CNTN5: variants seen among roughly 807,000 people sequenced by gnomAD.
The protein encoded by CNTN5 is contactin-5.
In CNTN5, 77 loss-of-function variants were observed where a neutral mutation model predicts 129.1. The observed-to-expected ratio is 0.60, with a 90% CI of 0.50 to 0.72. CNTN5 has a LOEUF of 0.72. CNTN5 is among the 30% of genes least tolerant of loss of function. The pLI is 0.00. For missense variants in CNTN5, 1,478 were observed against 1,328.8 expected (o/e 1.11, Z -1.75); for synonymous variants, 509 against 465.6 (o/e 1.09, Z -1.20).
At chr11:100,350,012 T>C (rs542352817) in intron 23 of CNTN5, among the ~76,000 whole-genome samples, 1 of 151,956 alleles carries the variant, frequency 6.6e-6, no homozygotes, top group Admixed American at 6.6e-5. Context: ...GTATGTTTAA[T>C]TATAATACCA....
intron 2 of CNTN5, among the ~76,000 whole-genome samples, chr11:99,431,529 G>A (rs74766203): frequency 1.3e-5 from 2 of 152,160 alleles, no homozygotes; most frequent in Non-Finnish European, 2.9e-5. Flanking sequence ...ATTCCTTGGA[G>A]GGGGGAAACT....
intron 17 of CNTN5, among the ~76,000 whole-genome samples, chr11:100,261,367 A>G (rs768628020): frequency 6.6e-6 from 1 of 152,192 alleles, no homozygotes; most frequent in Non-Finnish European, 1.5e-5. Flanking sequence ...AAACTGCCAT[A>G]CTGCCCAAAG....
At chr11:100,320,725 A>AT (rs1206450231) in intron 21 of CNTN5, among the ~76,000 whole-genome samples, 1 of 151,886 alleles carries the variant, frequency 6.6e-6, no homozygotes. Flanking sequence ...GTTTGCATTG[A>AT]TTTTTTTACA....
chr11:100,190,607 A>G (rs570419025), intron 13 of CNTN5, among the ~76,000 whole-genome samples: 2 of 152,136 alleles, frequency 1.3e-5, no homozygotes, highest in Admixed American at 6.5e-5. Context: ...CCCAGGTATC[A>G]GGTTGCATTT....
chr11:99,097,445 A>C (rs1224201002), intron 1 of CNTN5, among the ~76,000 whole-genome samples: 1 of 151,976 alleles, frequency 6.6e-6, no homozygotes, highest in Non-Finnish European at 1.5e-5. Context: ...CAATGATTTA[A>C]TTTTGACCAA....
At chr11:99,614,580 G>A (rs888542888) in intron 3 of CNTN5, among the ~76,000 whole-genome samples, 21 of 152,128 alleles carry the variant, frequency 1.4e-4, no homozygotes, top group African/African-American at 3.9e-4. Context: ...AGTTAGAGCT[G>A]GGAGGTGGAA....
chr11:99,684,928 T>A (rs1953723374), intron 3 of CNTN5, among the ~76,000 whole-genome samples: 1 of 151,692 alleles, frequency 6.6e-6, no homozygotes, highest in Non-Finnish European at 1.5e-5. Context: ...CTTTTCTATG[T>A]AATTGATTTC....
intron 2 of CNTN5, among the ~76,000 whole-genome samples, chr11:99,366,819 T>C (rs1939473497): frequency 6.6e-6 from 1 of 152,160 alleles, no homozygotes; most frequent in Non-Finnish European, 1.5e-5. Context: ...ATTTTCTCTG[T>C]GTGCATTTTT....
At chr11:99,357,051 A>G (rs1194089313) in intron 2 of CNTN5, among the ~76,000 whole-genome samples, 1 of 152,182 alleles carries the variant, frequency 6.6e-6, no homozygotes, top group African/African-American at 2.4e-5. Flanking sequence ...CTTTAGTATA[A>G]TGTTATGCAA....
At chr11:99,250,653 T>C (rs1862050743) in intron 1 of CNTN5, among the ~76,000 whole-genome samples, 5 of 151,968 alleles carry the variant, frequency 3.3e-5, no homozygotes, top group Admixed American at 3.3e-4. Context: ...ATTTTTCTTG[T>C]AGTTGAAACA....
intron 16 of CNTN5, among the ~76,000 whole-genome samples, chr11:100,236,012 G>A (rs1225368906): frequency 6.6e-6 from 1 of 152,192 alleles, no homozygotes; most frequent in African/African-American, 2.4e-5. Flanking sequence ...CTAGTGGCCA[G>A]AGAGGAGCCC....
chr11:99,510,478 A>G (rs1436833939), intron 2 of CNTN5, among the ~76,000 whole-genome samples: 1 of 152,204 alleles, frequency 6.6e-6, no homozygotes. Flanking sequence ...CAGAAAACTA[A>G]TGGATGCAAC....
chr11:99,533,162 G>T (rs1483219332), intron 2 of CNTN5, among the ~76,000 whole-genome samples: 2 of 152,230 alleles, frequency 1.3e-5, no homozygotes, highest in East Asian at 3.9e-4. Context: ...GAAGGAGGTT[G>T]CAGTGAGCCA....
intron 1 of CNTN5, among the ~76,000 whole-genome samples, chr11:99,223,835 G>A (rs1358858492): frequency 6.6e-6 from 1 of 152,156 alleles, no homozygotes; most frequent in Non-Finnish European, 1.5e-5. Flanking sequence ...CCATGTGCAA[G>A]CTCCTCAAAT....
chr11:100,008,978 T>G (rs572907644), intron 9 of CNTN5, among the ~76,000 whole-genome samples: 1 of 152,270 alleles, frequency 6.6e-6, no homozygotes, highest in African/African-American at 2.4e-5. Context: ...TGCATATTAG[T>G]GCAGCTATAA....
At chr11:99,742,029 T>A (rs960826753) in intron 3 of CNTN5, among the ~76,000 whole-genome samples, 26 of 152,114 alleles carry the variant, frequency 1.7e-4, no homozygotes, top group African/African-American at 6.3e-4. Context: ...AAAATTAGAA[T>A]CTATAAAAGA....
At chr11:100,209,741 A>G (rs1185563225) in intron 15 of CNTN5, among the ~76,000 whole-genome samples, 1 of 152,202 alleles carries the variant, frequency 6.6e-6, no homozygotes, top group Admixed American at 6.5e-5. Context: ...AAAAGCAGGT[A>G]TATTTATTAA....
chr11:100,082,066 C>G (rs1461090224), intron 13 of CNTN5, among the ~76,000 whole-genome samples: 1 of 152,058 alleles, frequency 6.6e-6, no homozygotes, highest in African/African-American at 2.4e-5. Flanking sequence ...AACAAGATGT[C>G]AAGCAAATAT....
intron 2 of CNTN5, among the ~76,000 whole-genome samples, chr11:99,437,194 G>A (rs963787878): frequency 1.3e-5 from 2 of 152,188 alleles, no homozygotes; most frequent in South Asian, 2.1e-4. Context: ...AAGAGCGGTC[G>A]CTTACACCAT....
Sources: gnomAD v4.1 joint callset for allele counts (sites outside exome capture counted in the v4.1 genomes callset) on GRCh38, gnomAD v4.1.1 for gene constraint, MANE v1.5 for transcripts, NCBI Gene and HGNC (gene_info 2026-07-23, HGNC 2026-07-21) for gene names.